NSUN3: variants seen among roughly 807,000 people sequenced by gnomAD.
NSUN3 encodes NOP2/Sun RNA methyltransferase 3.
NSUN3 carries 24 observed loss-of-function variants against 36.8 expected under a neutral mutation model. That is an observed-to-expected ratio of 0.65 (90% CI 0.47 to 0.92). The LOEUF (loss-of-function observed/expected upper bound fraction) is 0.92, where lower values mean the gene tolerates loss of function less well. Ranked by LOEUF, NSUN3 falls within the 40% of genes least tolerant of loss-of-function variation. The probability of loss-of-function intolerance (pLI) is 0.00; values close to 1 mark genes in which losing one functional copy is unlikely to be tolerated. For missense variants in NSUN3, 381 were observed against 392.8 expected (o/e 0.97, Z 0.25); for synonymous variants, 146 against 145.2 (o/e 1.01, Z -0.04).
intron 5 of NSUN3, among the ~76,000 whole-genome samples, chr3:94,100,519 C>T (rs534118023): frequency 7.2e-5 from 11 of 152,222 alleles, no homozygotes; most frequent in Non-Finnish European, 1.5e-4. Context: ...AAGTCTAACT[C>T]TCGGTTAGAC....
intron 2 of NSUN3, among the ~76,000 whole-genome samples, chr3:94,082,641 A>C (rs2077274327): frequency 6.6e-6 from 1 of 152,146 alleles, no homozygotes; most frequent in South Asian, 2.1e-4. Context: ...TATTTAATTG[A>C]CCATAGTTAA....
intron 2 of NSUN3, among the ~76,000 whole-genome samples, chr3:94,083,104 C>G (rs948518422): frequency 6.8e-6 from 1 of 146,896 alleles, no homozygotes; most frequent in Non-Finnish European, 1.5e-5. Context: ...AGGCAGGCTG[C>G]CTTTTTTTTT....
At chr3:94,100,005 G>A (rs2077358592) in intron 5 of NSUN3, among the ~76,000 whole-genome samples, 1 of 152,124 alleles carries the variant, frequency 6.6e-6, no homozygotes, top group Non-Finnish European at 1.5e-5. Flanking sequence ...ATGCAAGAGA[G>A]TAAAAACATT....
At chr3:94,124,155 T>A (rs1170058511) in intron 5 of NSUN3, among the ~76,000 whole-genome samples, 2 of 136,184 alleles carry the variant, frequency 1.5e-5, no homozygotes, top group Non-Finnish European at 3.1e-5. Flanking sequence ...TTTCTTTTTT[T>A]TTTTTTTTTT....
chr3:94,123,805 A>G (rs2107275157), intron 5 of NSUN3, among the ~76,000 whole-genome samples: 1 of 152,194 alleles, frequency 6.6e-6, no homozygotes, highest in South Asian at 2.1e-4. Context: ...TTACCTCCTC[A>G]GAACTTTGTT....
chr3:94,093,041 G>T (rs1481317832), intron 3 of NSUN3, among the ~76,000 whole-genome samples: 7 of 151,806 alleles, frequency 4.6e-5, no homozygotes. Flanking sequence ...AGTATGTTTG[G>T]GAAATGGAGT....
Position 94,103,165 on chromosome 3 carries a change from G to T in NSUN3, c.743+8011G>T, listed in dbSNP as rs541903271. The stretch of plus-strand genomic sequence containing the variant: ...GCCTCCCAAAGTGCTGGGATTGCAG[G>T]CATGAGCCACCATGCCTGGCCTAAC... On this transcript the variant is annotated intron_variant, in intron 5 of 5. Transcript: ENST00000314622. Among the ~76,000 whole-genome samples the T allele has an allele frequency of 6.6e-5, 10 of 152,226 alleles. No homozygotes were observed. The South Asian group carries it at 2.1e-3, about 32-fold the overall frequency.
At chr3:94,080,341 G>C (rs1273238488) in intron 2 of NSUN3, among the ~76,000 whole-genome samples, 1 of 152,176 alleles carries the variant, frequency 6.6e-6, no homozygotes, top group Non-Finnish European at 1.5e-5. Flanking sequence ...TGAGGTGTCT[G>C]TCAGCCCCTA....
intron 5 of NSUN3, among the ~76,000 whole-genome samples, chr3:94,100,339 G>T (rs1430849399): frequency 2.0e-5 from 3 of 152,214 alleles, no homozygotes; most frequent in Non-Finnish European, 4.4e-5. Context: ...ACATAGGTGG[G>T]ACAGTAGGGC....
chr3:94,116,676 A>G (rs2077441301), intron 5 of NSUN3, among the ~76,000 whole-genome samples: 1 of 152,234 alleles, frequency 6.6e-6, no homozygotes, highest in Non-Finnish European at 1.5e-5. Context: ...TTTACAGAAG[A>G]TATTGTATAT....
intron 5 of NSUN3, among the ~76,000 whole-genome samples, chr3:94,102,582 CT>C (rs1484529532): frequency 2.0e-5 from 3 of 152,020 alleles, no homozygotes; most frequent in African/African-American, 7.2e-5. Context: ...TATTCTTCAT[CT>C]TGTTTCTTTT....
At chr3:94,095,316 G>C (rs1032906873) in intron 5 of NSUN3, among the ~76,000 whole-genome samples, 162 bp downstream of exon 5, 1 of 152,038 alleles carries the variant, frequency 6.6e-6, no homozygotes, top group Non-Finnish European at 1.5e-5. Flanking sequence ...CCCCTTTATC[G>C]CTCATACTGT....
chr3:94,091,929 G>A (rs1451355757), intron 3 of NSUN3, among the ~76,000 whole-genome samples: 1 of 152,188 alleles, frequency 6.6e-6, no homozygotes, highest in African/African-American at 2.4e-5. Context: ...TGTTTCCAGA[G>A]ACTGGAGAAA....
Position 94,076,397 on chromosome 3 carries a change from T to C in NSUN3, c.123-7710T>C, listed in dbSNP as rs1560030465. 7.5e-6 allele frequency: 6 copies of C among 803,550 alleles called. No homozygotes were observed. In the Admixed American group the frequency reaches 1.0e-4, roughly 14 times the overall value. 49.8% of individuals were successfully genotyped at this position (803,550 alleles called of 1,614,324 possible). On this transcript the variant is annotated intron_variant, in intron 2 of 5. Transcript: ENST00000314622. Reference sequence around the variant, plus strand: ...AACTGAGTGGCTTGGTTTGGAAGTATTGTTTGAACAAGTATCCCAAATCAT... The same window carrying C: ...AACTGAGTGGCTTGGTTTGGAAGTACTGTTTGAACAAGTATCCCAAATCAT...
At chr3:94,125,999 G>T (rs901607501) in intron 5 of NSUN3, among the ~76,000 whole-genome samples, 2 of 151,848 alleles carry the variant, frequency 1.3e-5, no homozygotes, top group Non-Finnish European at 2.9e-5. Flanking sequence ...GGCAGTCATC[G>T]CAGTGAGCCG....
intron 5 of NSUN3, among the ~76,000 whole-genome samples, chr3:94,104,801 T>C (rs1307604479): frequency 6.6e-6 from 1 of 152,114 alleles, no homozygotes; most frequent in East Asian, 1.9e-4. Context: ...AATTAGGAAG[T>C]TATGGAATTT....
Position 94,081,882 on chromosome 3 carries a change from A to G in NSUN3, c.123-2225A>G, listed in dbSNP as rs182594513. 10 of 152,336 alleles carry G rather than the reference A, an allele frequency of 6.6e-5. No homozygotes were observed. In the East Asian group the frequency reaches 1.5e-3, roughly 23 times the overall value. The allele number at this position is 152,336 out of a possible 1,614,324, so 9.4% of individuals were successfully genotyped here. A position where few individuals can be genotyped will look rare whatever the true frequency, so the allele number is the denominator to read the frequency against. ...GGTTACTATATCTCTACCTGTCTAC[A>G]TACACAAATATTGTATAAATTATGT... On this transcript the variant is annotated intron_variant, in intron 2 of 5. Transcript: ENST00000314622.
rs767210516 is a variant in NSUN3, at chr3:94,094,197, T to C, written c.524T>C (p.Leu175Ser). Residue 175 changes from leucine (L) to serine (S), a missense_variant, in exon 4 of 6, where the codon TTG becomes TCG. Leu to Ser is a moderately radical substitution (Grantham distance 145). Transcript: ENST00000314622. The part of the protein sequence containing the change: ...SLRLRWLRQT[L>S]ESFIPQPLIN... Reference sequence around the variant, plus strand: ...AGATTGAGGTGGCTAAGGCAGACGTTGGAATCTTTCATCCCACAGCCTTTG... The same window carrying C: ...AGATTGAGGTGGCTAAGGCAGACGTCGGAATCTTTCATCCCACAGCCTTTG... The C allele has an allele frequency of 3.1e-6, 5 of 1,613,530 alleles. No individual in the cohort carries two copies. The highest frequency in any genetic ancestry group is 4.2e-6 in the Non-Finnish European group (5 of 1,179,582).
chr3:94,085,935 G>T (rs1306758038), intron 3 of NSUN3, among the ~76,000 whole-genome samples: 4 of 151,188 alleles, frequency 2.6e-5, no homozygotes, highest in African/African-American at 9.7e-5. Context: ...AATTACAAAA[G>T]GCAGTGTTGC....
Sources: gnomAD v4.1 joint callset for allele counts (sites outside exome capture counted in the v4.1 genomes callset) on GRCh38, gnomAD v4.1.1 for gene constraint, MANE v1.5 for transcripts, NCBI Gene and HGNC (gene_info 2026-07-23, HGNC 2026-07-21) for gene names.